Variants in FBXO10 observed in about 807,000 individuals in gnomAD.
The protein encoded by FBXO10 is F-box protein 10, also known as F-box only protein 10.
Under a neutral mutation model 80.7 loss-of-function variants are expected in FBXO10, and 39 were observed. The ratio of observed to expected loss-of-function variants is 0.48; its 90% confidence interval spans 0.37 to 0.63. FBXO10 has a LOEUF of 0.63. Ranked by LOEUF, FBXO10 falls within the 30% of genes least tolerant of loss-of-function variation. The pLI is 0.00. For synonymous variants in FBXO10, 449 were observed against 489.6 expected (o/e 0.92, Z 1.09); for missense variants, 1,025 against 1,269.0 (o/e 0.81, Z 2.92).
At chr9:37,575,551 GC>G (rs886811315) in intron 1 of FBXO10, 2 of 152,276 alleles carry the variant, frequency 1.3e-5, no homozygotes, top group Admixed American at 6.5e-5. Context: ...AATCAATCTG[GC>G]TGAAGGTCAC....
rs1175006115 is a variant in FBXO10, at chr9:37,521,635, C to T, written c.2134G>A (p.Asp712Asn). ...ILWETELEKE[D>N]DPLRRPITIA... ...GTGATGGGCCGGCGCAGTGGGTCGT[C>T]CTCCTTCTCCAGCTCTGTCTCCCAG... Residue 712 changes from aspartate (D) to asparagine (N), a missense_variant, in exon 8 of 11, where the codon GAC becomes AAC. Transcript: ENST00000432825. 6.2e-7 allele frequency: 1 copy of T among 1,613,828 alleles called. No homozygotes were observed. The highest frequency in any genetic ancestry group is 2.2e-5 in the East Asian group (1 of 44,886).
chr9:37,565,815 T>C (rs1360462215), intron 1 of FBXO10, among the ~76,000 whole-genome samples: 1 of 152,126 alleles, frequency 6.6e-6, no homozygotes, highest in Non-Finnish European at 1.5e-5. Flanking sequence ...GTATCTGAAC[T>C]GGACTCTGAA....
At position 37,515,900 on chromosome 9, in the gene FBXO10, T is replaced by G. The variant is rs377157448; in HGVS notation, c.2696+4A>C. On this transcript the variant is annotated splice_donor_region_variant and intron_variant, in intron 10 of 10. Coordinates refer to ENST00000432825, the MANE Select transcript of FBXO10 (RefSeq NM_012166.3). Reference sequence around the variant, plus strand: ...GACTCGTTCAGGCAACCCCAAGCACTCACTTTTTCTTGAAGACCAGGAACT... The same window carrying G: ...GACTCGTTCAGGCAACCCCAAGCACGCACTTTTTCTTGAAGACCAGGAACT... 5 of 1,612,886 alleles carry G rather than the reference T, an allele frequency of 3.1e-6. No individual in the cohort carries two copies. In the African/African-American group the frequency reaches 6.7e-5, roughly 22 times the overall value.
intron 1 of FBXO10, among the ~76,000 whole-genome samples, chr9:37,574,285 G>A (rs1023599016): frequency 2.0e-5 from 3 of 152,228 alleles, no homozygotes; most frequent in African/African-American, 4.8e-5. Flanking sequence ...AGGAAAAAAG[G>A]AGGGAGGGAA....
At chr9:37,574,113 T>C (rs1255696576) in intron 1 of FBXO10, among the ~76,000 whole-genome samples, 1 of 152,188 alleles carries the variant, frequency 6.6e-6, no homozygotes, top group Non-Finnish European at 1.5e-5. Flanking sequence ...TGAGAGCTCT[T>C]GCTGACTCCC....
chr9:37,533,038 A>G (rs1038872376), intron 3 of FBXO10, among the ~76,000 whole-genome samples: 1 of 152,252 alleles, frequency 6.6e-6, no homozygotes, highest in African/African-American at 2.4e-5. Flanking sequence ...CTGAGACTCC[A>G]AATGAAGGGA....
At chr9:37,548,135 A>C (rs1182732925) in intron 1 of FBXO10, among the ~76,000 whole-genome samples, 1 of 152,252 alleles carries the variant, frequency 6.6e-6, no homozygotes, top group Admixed American at 6.5e-5. Flanking sequence ...CTGTAATCCC[A>C]GTGCTTTGGG....
chr9:37,535,842 G>A (rs1821747672), intron 3 of FBXO10: 1 of 152,170 alleles, frequency 6.6e-6, no homozygotes, highest in Non-Finnish European at 1.5e-5. Flanking sequence ...CACCTCCTTT[G>A]CCTCGCGTCT....
In FBXO10 at chr9:37,537,598, T is replaced by C. The variant is rs759380604; in HGVS notation, c.931A>G (p.Ile311Val). The C allele has an allele frequency of 2.5e-6, 4 of 1,613,784 alleles. No homozygotes were observed. In the African/African-American group the frequency reaches 5.3e-5, roughly 22 times the overall value. ...DQAWSPKTCD[I>V]VIEGSQSPTS... ...GGGCTCTGGCTGCCCTCGATAACAA[T>C]GTCACAGGTCTTTGGGCTCCAGGCC... The change falls in exon 3 of 11, where the codon ATT (isoleucine) becomes GTT (valine). Residue 311 changes from isoleucine (I) to valine (V), a missense_variant. Coordinates refer to ENST00000432825, the MANE Select transcript of FBXO10 (RefSeq NM_012166.3).
chr9:37,533,196 C>T lies in FBXO10; in HGVS notation c.1420-1138G>A, dbSNP rs531108365. Reference sequence around the variant, plus strand: ...CCCCCATGTCTGTGGGTTCTGCATCCATGGATTCAACCAACTGTGGATTGA... The same window carrying T: ...CCCCCATGTCTGTGGGTTCTGCATCTATGGATTCAACCAACTGTGGATTGA... On this transcript the variant is annotated intron_variant, in intron 3 of 10. Transcript: ENST00000432825. Among the ~76,000 whole-genome samples, 4 of 152,190 alleles carry T rather than the reference C, an allele frequency of 2.6e-5. No individual in the cohort carries two copies. In the South Asian group the frequency reaches 6.2e-4, roughly 24 times the overall value.
At chr9:37,531,816 G>T in intron 4 of FBXO10, 93 bp downstream of exon 4, 1 of 1,436,132 alleles carries the variant, frequency 7.0e-7, no homozygotes, top group East Asian at 2.4e-5. Flanking sequence ...CAGGAAGCAC[G>T]TAAATACAAG....
At chr9:37,574,431 A>ACGGCAACCAAAATGATGGCAC (rs1282705230) in intron 1 of FBXO10, among the ~76,000 whole-genome samples, 1 of 152,188 alleles carries the variant, frequency 6.6e-6, no homozygotes, top group Non-Finnish European at 1.5e-5. Context: ...CCTGATAACC[A>ACGGCAACCAAAATGATGGCAC]CGGCAACCAA....
intron 4 of FBXO10, among the ~76,000 whole-genome samples, chr9:37,529,731 C>T (rs1821569067): frequency 6.6e-6 from 1 of 152,142 alleles, no homozygotes; most frequent in Non-Finnish European, 1.5e-5. Context: ...CTAGTCCTTT[C>T]TCATTTAGGG....
chr9:37,524,308 T>C (rs1402533378), intron 6 of FBXO10, among the ~76,000 whole-genome samples: 1 of 152,216 alleles, frequency 6.6e-6, no homozygotes, highest in Admixed American at 6.5e-5. Flanking sequence ...CACCCTCAGA[T>C]GGGATGTTTT....
In FBXO10 at chr9:37,524,065, C is replaced by T. The variant is rs915325709; in HGVS notation, c.1777+1037G>A. ...ACTGGCCTCTTCCTGTCTCCATGTCCCCACTGCAGGCCCCTTGTGCACCAC... is the reference window on the plus strand; with the variant it reads ...ACTGGCCTCTTCCTGTCTCCATGTCTCCACTGCAGGCCCCTTGTGCACCAC... On this transcript the variant is annotated intron_variant, in intron 6 of 10. Transcript: ENST00000432825. Among the ~76,000 whole-genome samples, 13 of 152,198 alleles carry T rather than the reference C, an allele frequency of 8.5e-5. 1 individual carries two copies. Among genetic ancestry groups the T allele is most frequent in the Admixed American group, 3.3e-4 (5 of 15,274 alleles).
At chr9:37,521,515 G>C in intron 8 of FBXO10, 54 bp downstream of exon 8, 1 of 1,421,170 alleles carries the variant, frequency 7.0e-7, no homozygotes, top group African/African-American at 1.4e-5. Context: ...GAAAAAAAAA[G>C]ACAGTGGGGA....
chr9:37,541,674 GC>G lies in FBXO10; in HGVS notation c.94del (p.Ala32ProfsTer5). ...DLGRCSLVCRAWYELILSLDS... is the reference protein window; with the variant it reads ...DLGRCSLVCRXWYELILSLDS... The stretch of plus-strand genomic sequence containing the variant: ...GAGACTGAGGATCAGTTCATACCAG[GC>G]CCTGCATACCAGGCTGCAGCGGCCC... On this transcript the variant is annotated frameshift_variant, in exon 2 of 11. Transcript: ENST00000432825. LOFTEE classifies it high-confidence loss of function. 1 of 1,613,934 alleles carries G rather than the reference GC, an allele frequency of 6.2e-7. No homozygotes were observed. Among genetic ancestry groups the G allele is most frequent in the Non-Finnish European group, 8.5e-7 (1 of 1,179,878 alleles).
chr9:37,528,699 A>C (rs1821539157), intron 5 of FBXO10, among the ~76,000 whole-genome samples: 1 of 152,114 alleles, frequency 6.6e-6, no homozygotes, highest in Admixed American at 6.6e-5. Flanking sequence ...CCCACCTATC[A>C]CTTATATCAG....
chr9:37,564,906 G>T (rs936980552), intron 1 of FBXO10, among the ~76,000 whole-genome samples: 2 of 152,210 alleles, frequency 1.3e-5, no homozygotes, highest in African/African-American at 2.4e-5. Flanking sequence ...ACAGTGTTTT[G>T]AAATATGAAG....
Sources: allele counts gnomAD v4.1 joint callset (sites outside exome capture counted in the v4.1 genomes callset), GRCh38; gene constraint gnomAD v4.1.1; transcripts MANE v1.5; gene names NCBI Gene and HGNC (gene_info 2026-07-23, HGNC 2026-07-21).